The following SYN2 variants were observed in gnomAD, a reference collection of about 807,000 sequenced individuals.
SYN2 encodes the protein synapsin II.
SYN2 carries 19 observed loss-of-function variants against 50.9 expected under a neutral mutation model. The ratio of observed to expected loss-of-function variants is 0.37; its 90% CI spans 0.26 to 0.55. SYN2 has a LOEUF of 0.55. Among genes scored for constraint, SYN2 ranks in the 20% least tolerant of loss-of-function variants. The pLI, the probability that SYN2 is intolerant of heterozygous loss-of-function variation, is 0.81. For missense variants in SYN2, 587 were observed against 576.4 expected, an observed-to-expected ratio of 1.02 and a Z score of -0.19; for synonymous variants, 255 against 224.9, an observed-to-expected ratio of 1.13 and a Z score of -1.20.
rs138397040 is a variant in SYN2 at position 12,070,384 on chromosome 3, G to A, written c.377+65456G>A. The A allele has an allele frequency of 1.0e-3, 526 of 526,816 alleles. 2 individuals carry two copies. The highest frequency in any genetic ancestry group is 8.3e-3 in the African/African-American group (431 of 52,108). The allele number at this position is 526,816 out of a possible 1,614,324, so 32.6% of individuals were successfully genotyped here. On this transcript the variant is annotated intron_variant, in intron 1 of 12. Coordinates refer to ENST00000621198, the MANE Select transcript of SYN2 (RefSeq NM_133625.6). ...GGGCATGGGTCAGAAGGACTCCTAC[G>A]TGGGTGATGAGGCCCAGAGCAAGCA... is the stretch of plus-strand genomic sequence containing the variant.
chr3:12,099,975 G>GAAAA lies in SYN2; in HGVS notation c.378-40668_378-40665dup, dbSNP rs376887129. ...GTGAGACTCTGTCTCAAAAAAAAAA[G>GAAAA]AAAAAAAAAAAGAAGTGCCTACAGT... On this transcript the variant is annotated intron_variant, in intron 1 of 12. Transcript: ENST00000621198. 3.0e-3 allele frequency among the ~76,000 whole-genome samples: 358 copies of GAAAA among 120,196 alleles called. 9 individuals are homozygous for GAAAA. Among genetic ancestry groups the GAAAA allele is most frequent in the African/African-American group, 0.011 (341 of 31,060 alleles). 78.9% of individuals were successfully genotyped at this position (120,196 alleles called of 152,430 possible). A position where few individuals can be genotyped will look rare whatever the true frequency, so the allele number is the denominator to read the frequency against.
At chr3:12,135,078 A>G (rs113444975) in intron 1 of SYN2, among the ~76,000 whole-genome samples, 4 of 152,330 alleles carry the variant, frequency 2.6e-5, no homozygotes, top group Non-Finnish European at 5.9e-5. Context: ...GTTAGAAGAG[A>G]CAGTTAATGT....
chr3:12,081,162 A>C (rs990799970), intron 1 of SYN2, among the ~76,000 whole-genome samples: 2 of 152,220 alleles, frequency 1.3e-5, no homozygotes, highest in Admixed American at 1.3e-4. Context: ...ATATAAATGC[A>C]TGAAAAATGC....
intron 1 of SYN2, among the ~76,000 whole-genome samples, chr3:12,042,744 A>G (rs992002672): frequency 2.0e-5 from 3 of 152,180 alleles, no homozygotes; most frequent in African/African-American, 4.8e-5. Flanking sequence ...CCTAAATCCA[A>G]TGGCTGGTGT....
intron 1 of SYN2, among the ~76,000 whole-genome samples, chr3:12,039,160 ATTAT>A (rs1223472970): frequency 6.6e-6 from 1 of 152,104 alleles, no homozygotes; most frequent in Non-Finnish European, 1.5e-5. Flanking sequence ...TATTGATACG[ATTAT>A]TTAGTTTCTT....
At chr3:12,100,499 G>T (rs866199468) in intron 1 of SYN2, among the ~76,000 whole-genome samples, 1 of 152,110 alleles carries the variant, frequency 6.6e-6, no homozygotes, top group Non-Finnish European at 1.5e-5. Flanking sequence ...TACAAACTAA[G>T]TGTAAGAACT....
chr3:12,033,460 CAGACTAGGGTACGAG>C (rs1397898818), intron 1 of SYN2, among the ~76,000 whole-genome samples: 1 of 152,188 alleles, frequency 6.6e-6, no homozygotes, highest in African/African-American at 2.4e-5. Context: ...AGGTGTGAGG[CAGACTAGGGTACGAG>C]AGACTAATAC....
intron 1 of SYN2, among the ~76,000 whole-genome samples, chr3:12,099,238 C>T (rs1455358373): frequency 6.6e-6 from 1 of 152,064 alleles, no homozygotes; most frequent in Middle Eastern, 3.2e-3. Flanking sequence ...CTATAGAACA[C>T]CCAACAATAG....
At chr3:12,140,108 A>G (rs1696980224) in intron 1 of SYN2, among the ~76,000 whole-genome samples, 1 of 152,196 alleles carries the variant, frequency 6.6e-6, no homozygotes. Flanking sequence ...ATTTTGGTCT[A>G]ATTAATTTCC....
At chr3:12,172,797 A>G (rs1198772137) in intron 10 of SYN2, among the ~76,000 whole-genome samples, 1 of 152,230 alleles carries the variant, frequency 6.6e-6, no homozygotes, top group African/African-American at 2.4e-5. Flanking sequence ...AGAAACTCCA[A>G]GAGTGTAGTG....
intron 12 of SYN2, among the ~76,000 whole-genome samples, chr3:12,188,070 A>C (rs968979891): frequency 6.6e-6 from 1 of 152,158 alleles, no homozygotes; most frequent in Non-Finnish European, 1.5e-5. Context: ...CACAGTTCAG[A>C]GTATGCAATC....
intron 1 of SYN2, among the ~76,000 whole-genome samples, chr3:12,082,017 A>G (rs764573395): frequency 2.0e-5 from 3 of 152,050 alleles, no homozygotes; most frequent in African/African-American, 4.8e-5. Flanking sequence ...CCCCAGAACC[A>G]CCCCCATTTT....
At chr3:12,045,758 T>A (rs1428508508) in intron 1 of SYN2, among the ~76,000 whole-genome samples, 1 of 152,122 alleles carries the variant, frequency 6.6e-6, no homozygotes, top group Admixed American at 6.5e-5. Context: ...GTGGGAGTAC[T>A]GCAACATTGA....
intron 3 of SYN2, among the ~76,000 whole-genome samples, chr3:12,143,789 T>C (rs929875763): frequency 2.6e-5 from 4 of 152,230 alleles, no homozygotes; most frequent in African/African-American, 9.6e-5. Context: ...TTATTTTCCT[T>C]TGAGTAGATA....
At chr3:12,161,165 A>G (rs1316695141) in intron 5 of SYN2, among the ~76,000 whole-genome samples, 1 of 152,248 alleles carries the variant, frequency 6.6e-6, no homozygotes, top group Non-Finnish European at 1.5e-5. Flanking sequence ...TTTTAAAATA[A>G]AAATACAGGT....
At chr3:12,132,871 A>G (rs918997507) in intron 1 of SYN2, among the ~76,000 whole-genome samples, 2 of 152,174 alleles carry the variant, frequency 1.3e-5, no homozygotes, top group African/African-American at 4.8e-5. Context: ...TTCAGGAAAC[A>G]ATTTTCTGTC....
At chr3:12,159,020 C>G in intron 5 of SYN2, 1 of 830,354 alleles carries the variant, frequency 1.2e-6, no homozygotes, top group Admixed American at 3.4e-5. Context: ...AGGCAGGACC[C>G]GAGGCTCTTC....
chr3:12,153,625 C>T (rs1697368736), intron 5 of SYN2: 1 of 1,614,182 alleles, frequency 6.2e-7, no homozygotes, highest in South Asian at 1.1e-5. Flanking sequence ...GCCTGGTAAC[C>T]ATAGAGCTTT....
intron 1 of SYN2, among the ~76,000 whole-genome samples, chr3:12,129,132 A>G (rs542573234): frequency 5.9e-5 from 9 of 152,352 alleles, no homozygotes; most frequent in Admixed American, 5.9e-4. Context: ...GAAATAATGA[A>G]TATTATGAAG....
Sources: allele counts gnomAD v4.1 joint callset (sites outside exome capture counted in the v4.1 genomes callset), GRCh38; gene constraint gnomAD v4.1.1; transcripts MANE v1.5; gene names NCBI Gene and HGNC (gene_info 2026-07-23, HGNC 2026-07-21).